Variants in ZBTB20 observed in about 807,000 individuals in gnomAD.
The protein encoded by ZBTB20 is zinc finger and BTB domain-containing protein 20.
Under a neutral mutation model 56.9 loss-of-function variants are expected in ZBTB20, and 9 were observed. The observed-to-expected ratio is 0.16, with a 90% CI of 0.10 to 0.28. The LOEUF (loss-of-function observed/expected upper bound fraction) is 0.28, where lower values mean the gene tolerates loss of function less well. Ranked by LOEUF, ZBTB20 falls within the 10% of genes least tolerant of loss-of-function variation. The pLI is 1.00. For missense variants in ZBTB20, 655 were observed against 1,003.0 expected, an observed-to-expected ratio of 0.65 and a Z score of 4.69; for synonymous variants, 417 against 420.7, an observed-to-expected ratio of 0.99 and a Z score of 0.11.
chr3:114,943,777 G>A (rs905183084), intron 3 of ZBTB20, among the ~76,000 whole-genome samples: 1 of 144,386 alleles, frequency 6.9e-6, no homozygotes, highest in Admixed American at 6.7e-5. Flanking sequence ...GAAGGAAAGG[G>A]TAAGGAGAAT....
intron 8 of ZBTB20, chr3:114,387,333 T>C (rs1227934126): frequency 6.6e-6 from 1 of 152,222 alleles, no homozygotes; most frequent in African/African-American, 2.4e-5. Flanking sequence ...TTCTGTTTTA[T>C]TATTATTATT....
At chr3:114,657,262 G>C (rs1394937400) in intron 6 of ZBTB20, among the ~76,000 whole-genome samples, 2 of 152,098 alleles carry the variant, frequency 1.3e-5, no homozygotes, top group African/African-American at 4.8e-5. Flanking sequence ...AATGCTTCAG[G>C]TTTGTCTCTC....
Position 114,374,737 on chromosome 3 carries a change from T to C in ZBTB20, c.199+5480A>G, listed in dbSNP as rs1457540676. 2.0e-5 allele frequency among the ~76,000 whole-genome samples: 3 copies of C among 152,230 alleles called. No homozygotes were observed. The East Asian group carries it at 5.8e-4, about 29-fold the overall frequency. On this transcript the variant is annotated intron_variant, in intron 10 of 11. Transcript: ENST00000675478. ...GAATCCAAATGAAGCTTTTGTTTGA[T>C]TATACATTTTGAACATTTATGGAGG...
chr3:114,883,687 ATATTCC>A (rs1424802113), intron 4 of ZBTB20, among the ~76,000 whole-genome samples: 1 of 152,022 alleles, frequency 6.6e-6, no homozygotes, highest in Non-Finnish European at 1.5e-5. Context: ...TTGTGACTTA[ATATTCC>A]TATCATTTGG....
chr3:114,446,921 T>C (rs1415489886), intron 7 of ZBTB20, among the ~76,000 whole-genome samples: 1 of 152,186 alleles, frequency 6.6e-6, no homozygotes, highest in Non-Finnish European at 1.5e-5. Flanking sequence ...TATTCAGTAA[T>C]ATCTCCAATC....
chr3:114,461,680 T>C (rs1173120238), intron 7 of ZBTB20, among the ~76,000 whole-genome samples: 1 of 152,206 alleles, frequency 6.6e-6, no homozygotes, highest in Non-Finnish European at 1.5e-5. Context: ...TTCTATAGGA[T>C]AGTGCTCCTA....
chr3:115,053,524 A>C (rs747207508), intron 2 of ZBTB20, among the ~76,000 whole-genome samples: 11 of 152,214 alleles, frequency 7.2e-5, no homozygotes, highest in Non-Finnish European at 1.3e-4. Flanking sequence ...ATTTAAGTGG[A>C]ATAGTGAGAG....
chr3:114,947,360 T>C (rs1429754901), intron 3 of ZBTB20, among the ~76,000 whole-genome samples: 3 of 146,498 alleles, frequency 2.0e-5, no homozygotes, highest in Non-Finnish European at 4.4e-5. Context: ...TACACTCATA[T>C]GTTTATCACA....
intron 2 of ZBTB20, among the ~76,000 whole-genome samples, chr3:115,020,758 T>C (rs1283575228): frequency 2.0e-5 from 3 of 151,020 alleles, no homozygotes; most frequent in Admixed American, 6.6e-5. Flanking sequence ...CACACACACA[T>C]ATAATACCTA....
chr3:114,812,945 C>G (rs2072657415), intron 4 of ZBTB20, among the ~76,000 whole-genome samples: 1 of 152,206 alleles, frequency 6.6e-6, no homozygotes, highest in South Asian at 2.1e-4. Flanking sequence ...CCGGCCGCTC[C>G]GAGTGCGGGG....
intron 5 of ZBTB20, among the ~76,000 whole-genome samples, chr3:114,784,766 A>G (rs2070370869): frequency 6.6e-6 from 1 of 152,228 alleles, no homozygotes; most frequent in South Asian, 2.1e-4. Flanking sequence ...TACAGATGAT[A>G]TAACATCGCT....
intron 3 of ZBTB20, among the ~76,000 whole-genome samples, chr3:114,924,803 G>A (rs1304083818): frequency 6.6e-6 from 1 of 151,802 alleles, no homozygotes; most frequent in African/African-American, 2.4e-5. Flanking sequence ...TTGAGATACT[G>A]CTTATTTTTT....
intron 3 of ZBTB20, among the ~76,000 whole-genome samples, chr3:114,966,094 C>T (rs2077637781): frequency 6.6e-6 from 1 of 152,126 alleles, no homozygotes; most frequent in Non-Finnish European, 1.5e-5. Flanking sequence ...CTTTCTACAG[C>T]TTAGATCCTG....
Position 114,959,720 on chromosome 3 carries a change from TACACAC to T in ZBTB20, c.-456+14640_-456+14645del, listed in dbSNP as rs56785871. Among the ~76,000 whole-genome samples the T allele has an allele frequency of 2.7e-3, 388 of 145,362 alleles. 4 individuals are homozygous for T. Among genetic ancestry groups the T allele is most frequent in the African/African-American group, 8.3e-3 (327 of 39,326 alleles). ...ACACACACATCTATATTTATATACA[TACACAC>T]ACACACACACACACACACACACACA... On this transcript the variant is annotated intron_variant, in intron 3 of 11. Transcript: ENST00000675478.
chr3:115,030,700 G>A (rs989538438), intron 2 of ZBTB20, among the ~76,000 whole-genome samples: 2 of 151,116 alleles, frequency 1.3e-5, no homozygotes, highest in African/African-American at 4.8e-5. Context: ...TAAACCAGAA[G>A]CTTCCTTCAG....
chr3:114,776,015 C>T (rs2069578367), intron 5 of ZBTB20, among the ~76,000 whole-genome samples: 1 of 143,146 alleles, frequency 7.0e-6, no homozygotes, highest in African/African-American at 2.6e-5. Flanking sequence ...CATGTTGTTA[C>T]TCCTCCAATT....
At chr3:114,483,854 A>G (rs1225363573) in intron 7 of ZBTB20, among the ~76,000 whole-genome samples, 7 of 152,056 alleles carry the variant, frequency 4.6e-5, no homozygotes. Context: ...CATAAACATA[A>G]TTATAGGCCA....
chr3:114,561,850 T>C (rs2052095463), intron 6 of ZBTB20, among the ~76,000 whole-genome samples: 1 of 152,062 alleles, frequency 6.6e-6, no homozygotes, highest in Non-Finnish European at 1.5e-5. Context: ...TTCTCCTCAA[T>C]AGCTATAAAA....
chr3:114,452,353 C>T (rs1343432224), intron 7 of ZBTB20, among the ~76,000 whole-genome samples: 2 of 152,060 alleles, frequency 1.3e-5, no homozygotes, highest in Admixed American at 1.3e-4. Context: ...CAAGAATATT[C>T]CTAAAGAAAA....
Sources: allele counts gnomAD v4.1 joint callset (sites outside exome capture counted in the v4.1 genomes callset), GRCh38; gene constraint gnomAD v4.1.1; transcripts MANE v1.5; gene names NCBI Gene and HGNC (gene_info 2026-07-23, HGNC 2026-07-21).